Variants in ATP6V0E1 observed in about 807,000 individuals in gnomAD.
The protein encoded by ATP6V0E1 is ATPase H+ transporting V0 subunit e1.
In ATP6V0E1, 4 loss-of-function variants were observed where a neutral mutation model predicts 11.6. The observed-to-expected ratio is 0.35, with a 90% CI of 0.17 to 0.79. The LOEUF is 0.79. Ranked by LOEUF, ATP6V0E1 falls within the 30% of genes least tolerant of loss-of-function variation. The pLI, the probability that ATP6V0E1 is intolerant of heterozygous loss-of-function variation, is 0.54. For synonymous variants in ATP6V0E1, 36 were observed against 34.8 expected, an observed-to-expected ratio of 1.04 and a Z score of -0.13; for missense variants, 105 against 100.0, an observed-to-expected ratio of 1.05 and a Z score of -0.21.
intron 3 of ATP6V0E1, 58 bp from the exon 4 acceptor site, chr5:173,034,341 T>C (rs1756708446): frequency 1.4e-6 from 1 of 699,668 alleles, no homozygotes; most frequent in East Asian, 2.7e-5. Flanking sequence ...CGATGTTAAC[T>C]TTTTGCCTTC....
At chr5:172,999,676 C>T (rs1229799853) in intron 2 of ATP6V0E1, among the ~76,000 whole-genome samples, 1 of 152,162 alleles carries the variant, frequency 6.6e-6, no homozygotes, top group Non-Finnish European at 1.5e-5. Flanking sequence ...GAGCCCTTGC[C>T]TCTTGCTGTC....
intron 2 of ATP6V0E1, among the ~76,000 whole-genome samples, chr5:173,007,820 G>A (rs1188932789): frequency 6.6e-6 from 1 of 152,188 alleles, no homozygotes; most frequent in African/African-American, 2.4e-5. Flanking sequence ...GAGTTTCTGG[G>A]CAAGCAATTG....
chr5:173,033,276 T>C (rs1756692944), intron 3 of ATP6V0E1, among the ~76,000 whole-genome samples: 1 of 152,078 alleles, frequency 6.6e-6, no homozygotes, highest in Non-Finnish European at 1.5e-5. Flanking sequence ...AGAGTCTCGC[T>C]ATGTTGCCCA....
intron 2 of ATP6V0E1, among the ~76,000 whole-genome samples, chr5:173,006,914 A>G (rs1419443230): frequency 1.3e-5 from 2 of 152,164 alleles, no homozygotes; most frequent in Non-Finnish European, 1.5e-5. Context: ...ATTACTTGCT[A>G]TATGGAAAAG....
intron 2 of ATP6V0E1, among the ~76,000 whole-genome samples, chr5:173,003,542 A>G (rs893296942): frequency 2.0e-5 from 3 of 152,064 alleles, no homozygotes; most frequent in Admixed American, 6.6e-5. Context: ...TGGCGGGGAG[A>G]ATGGAAGCAG....
Position 172,993,681 on chromosome 5 carries a change from C to T in ATP6V0E1, c.105-1094C>T, listed in dbSNP as rs1439482233. 1.8e-4 allele frequency among the ~76,000 whole-genome samples: 20 copies of T among 108,648 alleles called. No homozygotes were observed. The South Asian group carries it at 4.4e-3, about 24-fold the overall frequency. 71.3% of individuals were successfully genotyped at this position (108,648 alleles called of 152,430 possible). A position where few individuals can be genotyped will look rare whatever the true frequency, so the allele number is the denominator to read the frequency against. ...TACAACCTGGTCAACATATTGAGAC[C>T]CCCCCCCCCGACCCCACCTCTCCAA... On this transcript the variant is annotated intron_variant, in intron 1 of 3. Coordinates refer to ENST00000519374, the MANE Select transcript of ATP6V0E1 (RefSeq NM_003945.4).
chr5:173,006,502 C>T (rs978285602), intron 2 of ATP6V0E1, among the ~76,000 whole-genome samples: 2 of 151,952 alleles, frequency 1.3e-5, no homozygotes, highest in Admixed American at 6.6e-5. Context: ...CCCAGCGACT[C>T]GGGAGGCTGA....
At chr5:172,997,808 G>A (rs1392781520) in intron 2 of ATP6V0E1, among the ~76,000 whole-genome samples, 2 of 133,074 alleles carry the variant, frequency 1.5e-5, no homozygotes, top group Admixed American at 8.2e-5. Context: ...GCGAGACTCC[G>A]TCTCAAAAAA....
At position 173,022,902 on chromosome 5, in the gene ATP6V0E1, A is replaced by G. The variant is rs1376053580; in HGVS notation, c.*36+2535A>G. Among the ~76,000 whole-genome samples, 3 of 152,094 alleles carry G rather than the reference A, an allele frequency of 2.0e-5. 1 individual carries two copies. The highest frequency in any genetic ancestry group is 7.2e-5 in the African/African-American group (3 of 41,428). ...TTATAGAGAGAGAGGGTCTCTTTCT[A>G]TGGCCCAGGCTGGAGTGCAGTGGTG... On this transcript the variant is annotated intron_variant, in intron 3 of 3. Coordinates refer to ENST00000519374, the MANE Select transcript of ATP6V0E1 (RefSeq NM_003945.4).
At chr5:172,988,823 G>A (rs1489202548) in intron 1 of ATP6V0E1, among the ~76,000 whole-genome samples, 1 of 152,050 alleles carries the variant, frequency 6.6e-6, no homozygotes, top group Non-Finnish European at 1.5e-5. Context: ...CGAGTATCTC[G>A]GACTACAGGC....
intron 2 of ATP6V0E1, among the ~76,000 whole-genome samples, chr5:173,016,335 C>G (rs1423858978): frequency 6.6e-6 from 1 of 152,164 alleles, no homozygotes; most frequent in Non-Finnish European, 1.5e-5. Context: ...GGGGAGAAAT[C>G]CCCACACATT....
Position 172,994,330 on chromosome 5 carries a change from G to T in ATP6V0E1, c.105-445G>T, listed in dbSNP as rs183201622. Among the ~76,000 whole-genome samples the T allele has an allele frequency of 1.1e-4, 16 of 152,296 alleles. No individual in the cohort carries two copies. The East Asian group carries it at 3.1e-3, about 29-fold the overall frequency. On this transcript the variant is annotated intron_variant, in intron 1 of 3. Transcript: ENST00000519374. ...GCATGAACTGAGGTTTAGAAATGTT[G>T]AAATTCTGCTGATGAGAGATCAAAG...
At chr5:173,016,151 G>A (rs576513230) in intron 2 of ATP6V0E1, among the ~76,000 whole-genome samples, 3 of 152,358 alleles carry the variant, frequency 2.0e-5, no homozygotes, top group African/African-American at 7.2e-5. Context: ...AGAAGCACAG[G>A]TAGAACAACC....
At chr5:172,995,091 G>T (rs910424391) in intron 2 of ATP6V0E1, among the ~76,000 whole-genome samples, 1 of 152,082 alleles carries the variant, frequency 6.6e-6, no homozygotes. Context: ...ATTTTACTAT[G>T]GTGAAGTATT....
intron 2 of ATP6V0E1, among the ~76,000 whole-genome samples, chr5:173,000,118 C>A (rs545181534): frequency 6.6e-6 from 1 of 152,140 alleles, no homozygotes; most frequent in Non-Finnish European, 1.5e-5. Flanking sequence ...GAAATGCATT[C>A]ATGGACTTTT....
intron 2 of ATP6V0E1, among the ~76,000 whole-genome samples, chr5:173,011,985 G>C (rs1248183795): frequency 2.0e-5 from 3 of 151,896 alleles, no homozygotes; most frequent in African/African-American, 7.3e-5. Context: ...GGGTTAGGGG[G>C]GTAAATTCCT....
At chr5:172,992,556 G>A (rs1472795013) in intron 1 of ATP6V0E1, among the ~76,000 whole-genome samples, 1 of 152,004 alleles carries the variant, frequency 6.6e-6, no homozygotes, top group Non-Finnish European at 1.5e-5. Context: ...ACCTTGTTCA[G>A]GTCTGCACTG....
At chr5:172,987,212 A>G in intron 1 of ATP6V0E1, 2 of 200,802 alleles carry the variant, frequency 1.0e-5, no homozygotes, top group South Asian at 1.6e-4. Context: ...AAGCTGTTCC[A>G]TGTGCCTGAG....
intron 3 of ATP6V0E1, among the ~76,000 whole-genome samples, chr5:173,021,857 A>T (rs1756491087): frequency 6.6e-6 from 1 of 152,120 alleles, no homozygotes; most frequent in South Asian, 2.1e-4. Flanking sequence ...GACCACGGTG[A>T]AACCCATCTC....
Sources: gnomAD v4.1 joint callset for allele counts (sites outside exome capture counted in the v4.1 genomes callset) on GRCh38, gnomAD v4.1.1 for gene constraint, MANE v1.5 for transcripts, NCBI Gene and HGNC (gene_info 2026-07-23, HGNC 2026-07-21) for gene names.